Variants in SETX observed in about 807,000 individuals in gnomAD.
The protein encoded by SETX is helicase senataxin.
A neutral mutation model predicts 227.2 loss-of-function variants in SETX; 90 were observed. The observed-to-expected ratio is 0.40, with a 90% confidence interval of 0.33 to 0.47. The LOEUF is 0.47. SETX is among the 20% of genes least tolerant of loss of function. The probability of loss-of-function intolerance (pLI) is 0.91; values close to 1 mark genes in which losing one functional copy is unlikely to be tolerated. For synonymous variants in SETX, 1,210 were observed against 1,113.2 expected (o/e 1.09, Z -1.73); for missense variants, 3,052 against 3,181.5 (o/e 0.96, Z 0.98).
chr9:132,287,448 C>G (rs918414017), intron 17 of SETX, among the ~76,000 whole-genome samples: 1 of 152,172 alleles, frequency 6.6e-6, no homozygotes, highest in Non-Finnish European at 1.5e-5. Flanking sequence ...ACCACAACTG[C>G]ACCACTGCAC....
intron 25 of SETX, among the ~76,000 whole-genome samples, chr9:132,267,776 GAA>G: frequency 6.6e-6 from 1 of 152,310 alleles, no homozygotes; most frequent in African/African-American, 2.4e-5. Context: ...AAGGGTTACA[GAA>G]TAACCTTGCA....
At chr9:132,281,395 C>A in intron 20 of SETX, 72 bp downstream of exon 20, 2 of 1,015,672 alleles carry the variant, frequency 2.0e-6, no homozygotes, top group South Asian at 2.6e-5. Flanking sequence ...AGAAAGATGT[C>A]TCTCCCTCCT....
intron 5 of SETX, among the ~76,000 whole-genome samples, chr9:132,339,872 C>A (rs1464853025): frequency 6.6e-6 from 1 of 152,206 alleles, no homozygotes; most frequent in Non-Finnish European, 1.5e-5. Flanking sequence ...ACCTCAGCCT[C>A]CCAAAGTGCT....
At position 132,335,271 on chromosome 9, in the gene SETX, G is replaced by A. The variant is rs564796289; in HGVS notation, c.719-544C>T. On this transcript the variant is annotated intron_variant, in intron 6 of 25. Transcript: ENST00000224140. ...CCAGGCGTGGTGGCAGGCGCCTGTG[G>A]TCCCAGCTACTCGGGAGGCTGAGGC... 1.3e-4 allele frequency among the ~76,000 whole-genome samples: 20 copies of A among 151,224 alleles called. No individual in the cohort carries two copies. In the East Asian group the frequency reaches 2.6e-3, roughly 19 times the overall value.
chr9:132,336,529 A>G lies in SETX; in HGVS notation c.499-14T>C, dbSNP rs537396854. The G allele has an allele frequency of 2.6e-6, 4 of 1,563,168 alleles. No individual in the cohort carries two copies. Among genetic ancestry groups the G allele is most frequent in the East Asian group, 2.2e-5 (1 of 44,620 alleles). Reference sequence around the variant, plus strand: ...CCAACGCCGAACCTAAATGCAGAATATATTTATTACTTAATTCAATAAACA... The same window carrying G: ...CCAACGCCGAACCTAAATGCAGAATGTATTTATTACTTAATTCAATAAACA... On this transcript the variant is annotated splice_polypyrimidine_tract_variant and intron_variant, in intron 5 of 25. Transcript: ENST00000224140.
At chr9:132,303,815 C>T (rs10793915) in intron 11 of SETX, among the ~76,000 whole-genome samples, 48,273 of 151,988 alleles carry the variant, frequency 0.32, 11,048 homozygotes, top group East Asian at 0.68. Flanking sequence ...ACACACCCGT[C>T]TGAATCACCA....
upstream of SETX, among the ~76,000 whole-genome samples, chr9:132,356,085 G>C (rs1462981110): frequency 6.6e-6 from 1 of 151,792 alleles, no homozygotes. Context: ...GGGAGATCGA[G>C]ACTGCAGTGA....
chr9:132,282,298 TA>T (rs1464972603), intron 19 of SETX, among the ~76,000 whole-genome samples: 45 of 144,232 alleles, frequency 3.1e-4, no homozygotes, highest in African/African-American at 8.8e-4. Flanking sequence ...TTTTTTAACT[TA>T]TTTTTTTTTT....
In SETX at chr9:132,288,231, G is replaced by C. The variant is rs376381902; in HGVS notation, c.6324+5C>G. The C allele has an allele frequency of 3.7e-6, 6 of 1,608,504 alleles. No individual in the cohort carries two copies. The highest frequency in any genetic ancestry group is 5.1e-6 in the Non-Finnish European group (6 of 1,175,084). On this transcript the variant is annotated splice_donor_5th_base_variant and intron_variant, in intron 17 of 25. Coordinates refer to ENST00000224140, the MANE Select transcript of SETX (RefSeq NM_015046.7). ...TGAGTTATTATTCAAGAAATGCAAAGATACCTGTATTTCCCGTCCACCTCG... is the reference window on the plus strand; with the variant it reads ...TGAGTTATTATTCAAGAAATGCAAACATACCTGTATTTCCCGTCCACCTCG...
At chr9:132,296,104 T>C in intron 14 of SETX, 76 bp from the exon 15 acceptor site, 1 of 1,538,998 alleles carries the variant, frequency 6.5e-7, no homozygotes, top group Non-Finnish European at 9.0e-7. Flanking sequence ...GCTTTAAAGT[T>C]TGTCTTTACT....
chr9:132,340,243 A>G (rs1281543029), intron 5 of SETX, among the ~76,000 whole-genome samples: 1 of 152,116 alleles, frequency 6.6e-6, no homozygotes, highest in Non-Finnish European at 1.5e-5. Context: ...GTCCATGTGC[A>G]CAATGTGTAG....
intron 25 of SETX, chr9:132,269,404 T>G: frequency 1.3e-6 from 2 of 1,554,134 alleles, no homozygotes; most frequent in Non-Finnish European, 8.7e-7. Flanking sequence ...AATGGTCACC[T>G]TGAGAGCCCA....
chr9:132,356,106 TGCCAC>T (rs1178686714), upstream of SETX, among the ~76,000 whole-genome samples: 1 of 151,882 alleles, frequency 6.6e-6, no homozygotes, highest in Non-Finnish European at 1.5e-5. Context: ...GCCGTGACTG[TGCCAC>T]TACACTCCAG....
intron 4 of SETX, among the ~76,000 whole-genome samples, chr9:132,344,711 T>TA (rs1408464702): frequency 3.9e-5 from 6 of 151,942 alleles, no homozygotes; most frequent in Admixed American, 3.3e-4. Context: ...CTGTCTCTAC[T>TA]AAAAATACAA....
In SETX at chr9:132,328,164, C is replaced by A; in HGVS notation, c.3434G>T (p.Arg1145Leu). The change falls in exon 10 of 26, where the codon CGG becomes CTG. Residue 1145 changes from arginine to leucine, a missense_variant. Physicochemically the swap from Arg to Leu is moderately radical, Grantham distance 102. This residue lies in a region of SETX where 1,483 missense variants were observed against 1,312.0 expected (regional missense o/e 1.13). Coordinates refer to ENST00000224140, the MANE Select transcript of SETX (RefSeq NM_015046.7). ...AEGIEEHTRP[R>L]SISVEEFCEI... Reference sequence around the variant, plus strand: ...ACAAAATTCTTCAACAGAAATACTCCGTGGTCTTGTGTGTTCTTCAATGCC... The same window carrying A: ...ACAAAATTCTTCAACAGAAATACTCAGTGGTCTTGTGTGTTCTTCAATGCC... 2 of 1,614,130 alleles carry A rather than the reference C, an allele frequency of 1.2e-6. No homozygotes were observed. Among genetic ancestry groups the A allele is most frequent in the Non-Finnish European group, 1.7e-6 (2 of 1,180,008 alleles).
Position 132,326,747 on chromosome 9 carries a change from AG to A in SETX, c.4850del (p.Ser1617PhefsTer8). ...IAGLSKSLET[S>X]SALSPSLKNK... ...TTTTTAGAGACGGTGAAAGTGCTGA[AG>A]AAGTTTCCAAAGATTTAGAAAGACC... On this transcript the variant is annotated frameshift_variant, in exon 10 of 26. Coordinates refer to ENST00000224140, the MANE Select transcript of SETX (RefSeq NM_015046.7). LOFTEE classifies it high-confidence loss of function. 6.2e-7 allele frequency: 1 copy of A among 1,614,240 alleles called. No individual in the cohort carries two copies. Among genetic ancestry groups the A allele is most frequent in the Non-Finnish European group, 8.5e-7 (1 of 1,180,048 alleles).
In SETX at chr9:132,328,946, A is replaced by C. The variant is rs2131450302; in HGVS notation, c.2652T>G (p.Cys884Trp). 3 of 1,611,444 alleles carry C rather than the reference A, an allele frequency of 1.9e-6. No homozygotes were observed. Among genetic ancestry groups the C allele is most frequent in the East Asian group, 4.5e-5 (2 of 44,864 alleles). The change falls in exon 10 of 26, where the codon TGT becomes TGG. Residue 884 changes from cysteine to tryptophan, a missense_variant. This residue lies in a region of SETX where 1,483 missense variants were observed against 1,312.0 expected (regional missense o/e 1.13). Transcript: ENST00000224140. ...CATCAACATGAAATTCCTGTATTTT[A>C]CAATTGTTTTCATGGAAAGAGAAAA... Reference protein sequence around the residue: ...LVIFSFHENNCKIQEFHVDGK... With the variant: ...LVIFSFHENNWKIQEFHVDGK...
chr9:132,300,684 C>A lies in SETX; in HGVS notation c.5494G>T (p.Asp1832Tyr). 1 of 1,613,740 alleles carries A rather than the reference C, an allele frequency of 6.2e-7. No homozygotes were observed. The highest frequency in any genetic ancestry group is 8.5e-7 in the Non-Finnish European group (1 of 1,179,902). The stretch of plus-strand genomic sequence containing the variant: ...TAACCAGAATGATATTCGTGGAGAT[C>A]TTGTATGTCATTTCTCTCTGTATCT... ...KKDTERNDIQ[D>Y]LHEYHSGYVH... is the part of the protein sequence containing the mutation. Residue 1832 changes from aspartate to tyrosine, a missense_variant, in exon 12 of 26, where the codon GAT becomes TAT. Physicochemically the swap from Asp to Tyr is radical, Grantham distance 160. Transcript: ENST00000224140.
At chr9:132,326,039 A>C (rs906602017) in intron 10 of SETX, among the ~76,000 whole-genome samples, 4 of 151,856 alleles carry the variant, frequency 2.6e-5, no homozygotes, top group African/African-American at 9.7e-5. Flanking sequence ...ATCTAAATCG[A>C]AACGGTCAAT....
Sources: gnomAD v4.1 joint callset for allele counts (sites outside exome capture counted in the v4.1 genomes callset) on GRCh38, gnomAD v4.1.1 for gene constraint, gnomAD v4.1.1 regional missense constraint, MANE v1.5 for transcripts, NCBI Gene and HGNC (gene_info 2026-07-23, HGNC 2026-07-21) for gene names.